The following ANKRD30B variants were observed in gnomAD, a reference collection of about 807,000 sequenced individuals.
ANKRD30B encodes ankyrin repeat domain 30B.
ANKRD30B carries 144 observed loss-of-function variants against 202.2 expected under a neutral mutation model. That is an observed-to-expected ratio of 0.71 (90% CI 0.62 to 0.82). ANKRD30B has a LOEUF of 0.82. ANKRD30B is among the 40% of genes least tolerant of loss of function. The pLI is 0.00. For missense variants in ANKRD30B, 1,487 were observed against 1,669.1 expected (o/e 0.89, Z 1.90); for synonymous variants, 508 against 561.3 (o/e 0.91, Z 1.34).
Position 14,852,078 on chromosome 18 carries a change from G to C in ANKRD30B, c.4134G>C (p.Leu1378Phe), listed in dbSNP as rs1375914764. ...GAGATGATCTAAGAGAAAATGCATT[G>C]GTTTCAGAACATGCACAAAGAGACC... ...YAGDDLRENA[L>F]VSEHAQRDRC... Residue 1378 changes from leucine (L) to phenylalanine (F), a missense_variant, in exon 42 of 44, where the codon TTG becomes TTC. By Grantham distance (22) the Leu-to-Phe change is conservative. This residue lies in a region of ANKRD30B where 182 missense variants were observed against 216.0 expected (regional missense o/e 0.84). Coordinates refer to ENST00000690538, the MANE Select transcript of ANKRD30B (RefSeq NM_001367607.2). The C allele has an allele frequency of 1.2e-6, 2 of 1,610,182 alleles. No individual in the cohort carries two copies. The highest frequency in any genetic ancestry group is 1.7e-6 in the Non-Finnish European group (2 of 1,177,714).
At position 14,766,821 on chromosome 18, in the gene ANKRD30B, T is replaced by C. The variant is rs71364852; in HGVS notation, c.1226-2522T>C. On this transcript the variant is annotated intron_variant, in intron 7 of 43. Transcript: ENST00000690538. Reference sequence around the variant, plus strand: ...CATTTCACAGAGTCAGAAGACTTGGTAAAGGAGATTGAGCAGTGGCTAATG... The same window carrying C: ...CATTTCACAGAGTCAGAAGACTTGGCAAAGGAGATTGAGCAGTGGCTAATG... Among the ~76,000 whole-genome samples the C allele has an allele frequency of 3.0e-3, 463 of 152,196 alleles. 2 individuals are homozygous for C. Among genetic ancestry groups the C allele is most frequent in the Non-Finnish European group, 4.7e-3 (323 of 68,010 alleles).
chr18:14,850,298 A>G lies in ANKRD30B; in HGVS notation c.3480A>G (p.Lys1160=). The G allele has an allele frequency of 1.3e-6, 2 of 1,593,458 alleles. No homozygotes were observed. The highest frequency in any genetic ancestry group is 2.3e-5 in the East Asian group (1 of 44,064). ...EKIRPEEQLR[K]KLEVKQQLEQ... ...TTAGACCCGAAGAGCAACTTAGGAAAAAGTTAGAAGTGAAACAACAACTTG... is the reference window on the plus strand; with the variant it reads ...TTAGACCCGAAGAGCAACTTAGGAAGAAGTTAGAAGTGAAACAACAACTTG... The change falls in exon 41 of 44, where the codon AAA becomes AAG. Residue 1160 remains lysine, a synonymous_variant. Transcript: ENST00000690538.
the ANKRD30B span, among the ~76,000 whole-genome samples, chr18:14,939,755 T>C: frequency 2.0e-5 from 3 of 152,034 alleles, no homozygotes; most frequent in African/African-American, 7.3e-5. Flanking sequence ...TATAATAAAG[T>C]AGTTCATTTT....
the ANKRD30B span, among the ~76,000 whole-genome samples, chr18:14,931,666 G>C: frequency 6.6e-6 from 1 of 152,136 alleles, no homozygotes; most frequent in Non-Finnish European, 1.5e-5. Context: ...TAGGCAGCTG[G>C]ACAACAGGAG....
the ANKRD30B span, among the ~76,000 whole-genome samples, chr18:14,934,101 TC>T: frequency 6.6e-6 from 1 of 152,142 alleles, no homozygotes; most frequent in Admixed American, 6.5e-5. Flanking sequence ...AAGCAAGGGG[TC>T]CACCCACAGC....
the ANKRD30B span, among the ~76,000 whole-genome samples, chr18:14,873,842 C>T: frequency 1.1e-4 from 16 of 152,068 alleles, no homozygotes; most frequent in East Asian, 1.9e-4. Context: ...GCAGTAGAGC[C>T]GAGCGAGGAA....
At chr18:14,755,298 A>C (rs1174858435) in intron 4 of ANKRD30B, among the ~76,000 whole-genome samples, 2 of 152,124 alleles carry the variant, frequency 1.3e-5, no homozygotes, top group East Asian at 1.9e-4. Flanking sequence ...AGTTTTAAGA[A>C]GTATGAACTT....
chr18:14,940,259 C>T, the ANKRD30B span, among the ~76,000 whole-genome samples: 2 of 152,170 alleles, frequency 1.3e-5, no homozygotes, highest in East Asian at 1.9e-4. Flanking sequence ...TCGTTCTTCC[C>T]GTGGTGGAAA....
downstream of ANKRD30B, among the ~76,000 whole-genome samples, chr18:14,855,099 G>A (rs1972043081): frequency 6.6e-6 from 1 of 152,012 alleles, no homozygotes; most frequent in Non-Finnish European, 1.5e-5. Flanking sequence ...TTAGGGAGTG[G>A]TGATGACTCT....
intron 30 of ANKRD30B, among the ~76,000 whole-genome samples, chr18:14,821,100 G>A (rs1200643651): frequency 6.6e-6 from 1 of 152,160 alleles, no homozygotes; most frequent in East Asian, 1.9e-4. Flanking sequence ...GGGAGAGTGT[G>A]TGTATCGAGG....
chr18:14,894,267 A>T, the ANKRD30B span, among the ~76,000 whole-genome samples: 2 of 152,224 alleles, frequency 1.3e-5, no homozygotes, highest in Non-Finnish European at 2.9e-5. Flanking sequence ...TTAAAAAATT[A>T]TCTGAAATCT....
the ANKRD30B span, among the ~76,000 whole-genome samples, chr18:14,907,937 G>A: frequency 6.6e-6 from 1 of 152,008 alleles, no homozygotes; most frequent in Non-Finnish European, 1.5e-5. Flanking sequence ...TTCCCCAGAA[G>A]GTTTCATAAT....
chr18:14,749,610 G>T (rs1426595647), intron 1 of ANKRD30B, among the ~76,000 whole-genome samples: 1 of 148,112 alleles, frequency 6.8e-6, no homozygotes, highest in Non-Finnish European at 1.5e-5. Context: ...GGTGGAGGTT[G>T]CAGTGAGCCG....
At chr18:14,896,440 A>G in the ANKRD30B span, among the ~76,000 whole-genome samples, 10 of 151,864 alleles carry the variant, frequency 6.6e-5, no homozygotes, top group Non-Finnish European at 1.3e-4. Context: ...CTATCTGCTC[A>G]ATTATTTTTT....
At chr18:14,754,747 G>A (rs551618187) in intron 3 of ANKRD30B, among the ~76,000 whole-genome samples, 152 bp from the exon 4 acceptor site, 1 of 152,154 alleles carries the variant, frequency 6.6e-6, no homozygotes, top group Admixed American at 6.5e-5. Flanking sequence ...GCATGGGAAA[G>A]CACAGAAAAA....
intron 39 of ANKRD30B, among the ~76,000 whole-genome samples, chr18:14,846,913 T>G (rs2143231036): frequency 6.6e-6 from 1 of 151,726 alleles, no homozygotes; most frequent in African/African-American, 2.4e-5. Flanking sequence ...CAGTTTAATT[T>G]ATAATGTAAT....
chr18:14,789,530 C>T (rs547732663), intron 15 of ANKRD30B, among the ~76,000 whole-genome samples: 68 of 152,232 alleles, frequency 4.5e-4, no homozygotes, highest in South Asian at 3.1e-3. Flanking sequence ...TTAAGTCTAA[C>T]GTTTAAGTCT....
rs1438425503 is a variant in ANKRD30B at position 14,811,183 on chromosome 18, G to A, written c.2488+1003G>A. ...GACTATGTGTAGAATTTGTTTTGACGTCTTAAATTTTCTTTTTTTTTTAAA... is the reference window on the plus strand; with the variant it reads ...GACTATGTGTAGAATTTGTTTTGACATCTTAAATTTTCTTTTTTTTTTAAA... On this transcript the variant is annotated intron_variant, in intron 28 of 43. Coordinates refer to ENST00000690538, the MANE Select transcript of ANKRD30B (RefSeq NM_001367607.2). Among the ~76,000 whole-genome samples, 8 of 151,302 alleles carry A rather than the reference G, an allele frequency of 5.3e-5. 1 individual carries two copies. Among genetic ancestry groups the A allele is most frequent in the Non-Finnish European group, 7.4e-5 (5 of 67,740 alleles).
chr18:14,869,070 T>C, the ANKRD30B span, among the ~76,000 whole-genome samples: 2 of 152,254 alleles, frequency 1.3e-5, no homozygotes, highest in Non-Finnish European at 2.9e-5. Context: ...CTATGTTGGC[T>C]GCTTATTGTT....
Sources: allele counts gnomAD v4.1 joint callset (sites outside exome capture counted in the v4.1 genomes callset), GRCh38; gene constraint gnomAD v4.1.1; regional missense constraint gnomAD v4.1.1; transcripts MANE v1.5; gene names NCBI Gene and HGNC (gene_info 2026-07-23, HGNC 2026-07-21).